Variants in DDX10 observed in about 807,000 individuals in gnomAD.
DDX10 encodes the protein probable ATP-dependent RNA helicase DDX10.
DDX10 carries 74 observed loss-of-function variants against 104.3 expected under a neutral mutation model. The observed-to-expected ratio is 0.71, with a 90% CI of 0.59 to 0.86. The LOEUF is 0.86. DDX10 is among the 40% of genes least tolerant of loss of function. The pLI is 0.00. For synonymous variants in DDX10, 351 were observed against 353.4 expected, an observed-to-expected ratio of 0.99 and a Z score of 0.08; for missense variants, 952 against 1,040.0, an observed-to-expected ratio of 0.92 and a Z score of 1.16.
chr11:108,852,299 A>G (rs1470433400), intron 16 of DDX10, 90 bp downstream of exon 16: 1 of 860,014 alleles, frequency 1.2e-6, no homozygotes, highest in African/African-American at 1.7e-5. Context: ...AATGCTTATA[A>G]TGTTAAAATG....
At chr11:108,930,448 A>G (rs1173758358) in intron 17 of DDX10, among the ~76,000 whole-genome samples, 3 of 152,242 alleles carry the variant, frequency 2.0e-5, no homozygotes, top group Admixed American at 6.5e-5. Flanking sequence ...TAAAGCTGCT[A>G]TAAATATTCA....
Position 108,717,994 on chromosome 11 carries a change from A to G in DDX10, c.1411-1803A>G, listed in dbSNP as rs185319837. Reference sequence around the variant, plus strand: ...GCCAACAGGGTGAAACCCTGTCTCTACTAAAAACAATGACAAAAAAATTAG... The same window carrying G: ...GCCAACAGGGTGAAACCCTGTCTCTGCTAAAAACAATGACAAAAAAATTAG... On this transcript the variant is annotated intron_variant, in intron 11 of 17. Coordinates refer to ENST00000322536, the MANE Select transcript of DDX10 (RefSeq NM_004398.4). Among the ~76,000 whole-genome samples the G allele has an allele frequency of 3.7e-3, 570 of 152,256 alleles. 11 individuals carry two copies. Among genetic ancestry groups the G allele is most frequent in the Non-Finnish European group, 2.2e-3 (150 of 68,014 alleles).
chr11:108,822,163 T>C (rs887954640), intron 13 of DDX10, among the ~76,000 whole-genome samples: 2 of 152,216 alleles, frequency 1.3e-5, no homozygotes, highest in African/African-American at 2.4e-5. Context: ...AACAAACATA[T>C]TCATCTAACC....
chr11:108,803,119 T>C (rs1862046629), intron 13 of DDX10, among the ~76,000 whole-genome samples: 1 of 152,192 alleles, frequency 6.6e-6, no homozygotes, highest in African/African-American at 2.4e-5. Flanking sequence ...CACAGTTTCT[T>C]TTTTTCTTAC....
At chr11:108,802,766 A>G (rs1440862797) in intron 13 of DDX10, among the ~76,000 whole-genome samples, 2 of 152,132 alleles carry the variant, frequency 1.3e-5, no homozygotes, top group East Asian at 1.9e-4. Context: ...TCCTATTAAC[A>G]TAGTGAATTT....
intron 13 of DDX10, among the ~76,000 whole-genome samples, chr11:108,827,044 T>A (rs1862405151): frequency 1.3e-5 from 2 of 152,242 alleles, no homozygotes; most frequent in South Asian, 4.1e-4. Context: ...TCAAATACTT[T>A]GAAGTTATGT....
Position 108,786,230 on chromosome 11 carries a change from A to AT in DDX10, c.1966-52206dup, listed in dbSNP as rs372192410. Among the ~76,000 whole-genome samples, 1,016 of 149,788 alleles carry AT rather than the reference A, an allele frequency of 6.8e-3. 11 individuals are homozygous for AT. Among genetic ancestry groups the AT allele is most frequent in the African/African-American group, 0.023 (933 of 40,940 alleles). On this transcript the variant is annotated intron_variant, in intron 13 of 17. Coordinates refer to ENST00000322536, the MANE Select transcript of DDX10 (RefSeq NM_004398.4). Reference sequence around the variant, plus strand: ...TGAGAGTGTGTTTGGAATTATTTCAATTTTTTTTTTGAATTTACTGAAACT... The same window carrying AT: ...TGAGAGTGTGTTTGGAATTATTTCAATTTTTTTTTTTGAATTTACTGAAACT...
In DDX10 at chr11:108,677,289, C is replaced by T. The variant is rs747320433; in HGVS notation, c.537+46C>T. ...CCTTCCTTTCCTTCTGTAACCTATA[C>T]TGGAGTACTGTGGCCGATGACAGGG... On this transcript the variant is annotated intron_variant, in intron 4 of 17. Coordinates refer to ENST00000322536, the MANE Select transcript of DDX10 (RefSeq NM_004398.4). 5 of 1,542,438 alleles carry T rather than the reference C, an allele frequency of 3.2e-6. No homozygotes were observed. The Admixed American group carries it at 5.3e-5, about 16-fold the overall frequency.
chr11:108,885,617 C>T (rs1485742188), intron 16 of DDX10, among the ~76,000 whole-genome samples: 1 of 152,050 alleles, frequency 6.6e-6, no homozygotes, highest in African/African-American at 2.4e-5. Context: ...TTGGGTGATC[C>T]ACCCTCCTCT....
intron 7 of DDX10, among the ~76,000 whole-genome samples, chr11:108,689,933 A>G (rs1182514980): frequency 6.6e-6 from 1 of 152,184 alleles, no homozygotes; most frequent in Non-Finnish European, 1.5e-5. Flanking sequence ...GAATGACTTC[A>G]GCCTTGGTGC....
intron 13 of DDX10, among the ~76,000 whole-genome samples, chr11:108,790,226 A>T (rs552544144): frequency 1.3e-5 from 2 of 152,300 alleles, no homozygotes; most frequent in South Asian, 4.1e-4. Context: ...CTTTGACTTC[A>T]TGTATGTTCA....
At chr11:108,690,050 TA>T (rs202225894) in intron 7 of DDX10, among the ~76,000 whole-genome samples, 18,902 of 144,658 alleles carry the variant, frequency 0.13, 1,445 homozygotes, top group East Asian at 0.27. Flanking sequence ...ACCCTGTCTT[TA>T]AAAAAAAAAA....
At chr11:108,874,020 G>A (rs1863117290) in intron 16 of DDX10, among the ~76,000 whole-genome samples, 1 of 152,152 alleles carries the variant, frequency 6.6e-6, no homozygotes, top group South Asian at 2.1e-4. Flanking sequence ...AAGGGAAGAT[G>A]CATTCTATTT....
intron 13 of DDX10, among the ~76,000 whole-genome samples, chr11:108,763,606 T>G (rs578187197): frequency 6.6e-6 from 1 of 152,294 alleles, no homozygotes; most frequent in East Asian, 1.9e-4. Flanking sequence ...AAAAGCTTTT[T>G]ATTTTAGGAG....
rs1179218646 is a variant in DDX10, at chr11:108,673,540, T to G, written c.247+13T>G. 1.3e-6 allele frequency: 2 copies of G among 1,565,000 alleles called. No homozygotes were observed. On this transcript the variant is annotated intron_variant, in intron 2 of 17. Coordinates refer to ENST00000322536, the MANE Select transcript of DDX10 (RefSeq NM_004398.4). ...AAAACATTGAAAGGTAAGTATATGG[T>G]GATCTTGGGATGTGTTATTGGATTT...
chr11:108,696,818 AGGGCAGAC>A (rs2094260527), intron 9 of DDX10, among the ~76,000 whole-genome samples: 1 of 152,166 alleles, frequency 6.6e-6, no homozygotes, highest in Non-Finnish European at 1.5e-5. Context: ...TGATGGGGAC[AGGGCAGAC>A]TGATTCATAA....
rs193020061 is a variant in DDX10, at chr11:108,940,756, G to A, written c.*333G>A. The A allele has an allele frequency of 4.0e-6, 1 of 252,196 alleles. No homozygotes were observed. Among genetic ancestry groups the A allele is most frequent in the Non-Finnish European group, 7.7e-6 (1 of 130,528 alleles). The allele number at this position is 252,196 out of a possible 1,614,324, so 15.6% of individuals were successfully genotyped here. A position where few individuals can be genotyped will look rare whatever the true frequency, so the allele number is the denominator to read the frequency against. ...CAAGTTCTGGAGCTCTTGTGTCATT[G>A]TTAGAAATCCCTGTCTTGCTTACTG... On this transcript the variant is annotated 3_prime_UTR_variant, in exon 18 of 18. Coordinates refer to ENST00000322536, the MANE Select transcript of DDX10 (RefSeq NM_004398.4).
intron 13 of DDX10, among the ~76,000 whole-genome samples, chr11:108,773,296 C>A (rs1565274002): frequency 6.6e-6 from 1 of 152,142 alleles, no homozygotes; most frequent in South Asian, 2.1e-4. Context: ...GCAAACTCAA[C>A]CCTAACTTTG....
chr11:108,933,398 C>G (rs571956294), intron 17 of DDX10, among the ~76,000 whole-genome samples: 1 of 152,202 alleles, frequency 6.6e-6, no homozygotes, highest in East Asian at 1.9e-4. Context: ...CTTAGAATAG[C>G]CAGACTCGAG....
Sources: allele counts gnomAD v4.1 joint callset (sites outside exome capture counted in the v4.1 genomes callset), GRCh38; gene constraint gnomAD v4.1.1; transcripts MANE v1.5; gene names NCBI Gene and HGNC (gene_info 2026-07-23, HGNC 2026-07-21).